Variants in NFATC4 observed in about 807,000 individuals in gnomAD.
NFATC4 encodes nuclear factor of activated T cells 4, also known as nuclear factor of activated T-cells, cytoplasmic 4.
A neutral mutation model predicts 73.4 loss-of-function variants in NFATC4; 25 were observed. That is an observed-to-expected ratio of 0.34 (90% CI 0.25 to 0.48). The LOEUF is 0.48. NFATC4 is among the 20% of genes least tolerant of loss of function. The pLI, the probability that NFATC4 is intolerant of heterozygous loss-of-function variation, is 0.99. For synonymous variants in NFATC4, 523 were observed against 510.3 expected (o/e 1.02, Z -0.34); for missense variants, 1,130 against 1,203.7 (o/e 0.94, Z 0.91).
chr14:24,372,200 A>G lies in NFATC4; in HGVS notation c.1197-241A>G, dbSNP rs557799867. On this transcript the variant is annotated intron_variant, in intron 2 of 9. Coordinates refer to ENST00000250373, the MANE Select transcript of NFATC4 (RefSeq NM_004554.5). ...GCTTGTTGTCATCTTTCACACCTCA[A>G]GGGGCTCTGTCCCCTACTTCCCCTT... The G allele has an allele frequency of 7.4e-4, 372 of 500,068 alleles. 9 individuals are homozygous for G. The South Asian group carries it at 9.3e-3, about 12-fold the overall frequency. The allele number at this position is 500,068 out of a possible 1,614,324, so 31.0% of individuals were successfully genotyped here. A position where few individuals can be genotyped will look rare whatever the true frequency, so the allele number is the denominator to read the frequency against.
chr14:24,376,419 G>A lies in NFATC4; in HGVS notation c.2182G>A (p.Glu728Lys). The A allele has an allele frequency of 6.2e-7, 1 of 1,613,686 alleles. No homozygotes were observed. Among genetic ancestry groups the A allele is most frequent in the South Asian group, 1.1e-5 (1 of 91,052 alleles). The change falls in exon 9 of 10, where the codon GAA (glutamate) becomes AAA (lysine). Residue 728 changes from glutamate to lysine, a missense_variant. Glu to Lys is a moderately conservative substitution (Grantham distance 56, BLOSUM62 1). Transcript: ENST00000250373. This position sits in a 1 kb window ranked among gnomAD's most constrained non-coding sequence, Gnocchi z 5.0. ...GCCCCCCTACCCCTCCTATCCCCAT[G>A]AAGACCCTGCTTGCGAAACTCCTTA... Reference protein sequence around the residue: ...PRPPYPSYPHEDPACETPYLS... With the variant: ...PRPPYPSYPHKDPACETPYLS...
rs1170513752 is a variant in NFATC4 at position 24,374,384 on chromosome 14, T to TG, written c.1792dup (p.Val598GlyfsTer24). 6.2e-7 allele frequency: 1 copy of TG among 1,613,908 alleles called. No homozygotes were observed. The highest frequency in any genetic ancestry group is 8.5e-7 in the Non-Finnish European group (1 of 1,179,986). ...AGGCCTACAGCCCCAGTGCCTGCTCTGTGAGAGGAGGCGAGGAACTGGTAC... is the reference window on the plus strand; with the variant it reads ...AGGCCTACAGCCCCAGTGCCTGCTCTGGTGAGAGGAGGCGAGGAACTGGTAC... On this transcript the variant is annotated frameshift_variant, in exon 6 of 10. Transcript: ENST00000250373. LOFTEE classifies it high-confidence loss of function.
chr14:24,367,991 A>T, upstream of NFATC4: 1 of 958,294 alleles, frequency 1.0e-6, no homozygotes, highest in Non-Finnish European at 1.2e-6. Context: ...TTTCCAATTC[A>T]GTTTTTTTTT....
In NFATC4 at chr14:24,369,521, G is replaced by C. The variant is rs781509216; in HGVS notation, c.123G>C (p.Pro41=). 6.2e-7 allele frequency: 1 copy of C among 1,609,940 alleles called. No homozygotes were observed. Reference sequence around the variant, plus strand: ...CAGAACTGGACTCAGAGGATGCCCCGCCATGCTGCCGTCTGGCCTTGGGAG... The same window carrying C: ...CAGAACTGGACTCAGAGGATGCCCCCCCATGCTGCCGTCTGGCCTTGGGAG... ...LGEELDSEDA[P]PCCRLALGEP... The change falls in exon 2 of 10, where the codon CCG becomes CCC. Residue 41 remains proline (P), a synonymous_variant. Transcript: ENST00000250373.
At chr14:24,372,830 T>A in intron 3 of NFATC4, 1 of 623,814 alleles carries the variant, frequency 1.6e-6, no homozygotes, top group East Asian at 2.8e-5. Context: ...ACCAGCCTCA[T>A]GTCTACTCTG....
intron 2 of NFATC4, 50 bp downstream of exon 2, chr14:24,370,644 G>T (rs2139286588): frequency 6.4e-7 from 1 of 1,557,026 alleles, no homozygotes; most frequent in South Asian, 1.2e-5. Context: ...TCCAGTAGGG[G>T]AGCAGGAGGG....
chr14:24,368,141 A>G (rs1192638311), upstream of NFATC4: 2 of 1,146,924 alleles, frequency 1.7e-6, no homozygotes, highest in African/African-American at 3.6e-5. Context: ...TGGGGGGGGG[A>G]CCGCTTTGAA....
At position 24,373,599 on chromosome 14, in the gene NFATC4, A is replaced by G; in HGVS notation, c.1560-96A>G. ...CCTAGGCACTCATCGAAAGTCATTC[A>G]AGGCTTTGGATGGAGGGCGGGAACT... On this transcript the variant is annotated intron_variant, in intron 4 of 9. Coordinates refer to ENST00000250373, the MANE Select transcript of NFATC4 (RefSeq NM_004554.5). The surrounding 1 kb of genome is among the most constrained non-coding windows in gnomAD (Gnocchi z 4.7). 2.6e-6 allele frequency: 4 copies of G among 1,524,298 alleles called. No homozygotes were observed. Among genetic ancestry groups the G allele is most frequent in the Non-Finnish European group, 3.5e-6 (4 of 1,130,432 alleles). 94.4% of individuals were successfully genotyped at this position (1,524,298 alleles called of 1,614,324 possible).
At chr14:24,371,552 A>T (rs1476754072) in intron 2 of NFATC4, among the ~76,000 whole-genome samples, 1 of 152,156 alleles carries the variant, frequency 6.6e-6, no homozygotes, top group Non-Finnish European at 1.5e-5. Flanking sequence ...AATACAGGAT[A>T]AGTTGTCCCA....
intron 5 of NFATC4, 165 bp downstream of exon 5, chr14:24,374,032 ACT>A: frequency 9.1e-7 from 1 of 1,097,242 alleles, no homozygotes; most frequent in East Asian, 2.6e-5. Context: ...CCTGCCACAG[ACT>A]CTGTCTCTGG....
chr14:24,369,937 G>A lies in NFATC4; in HGVS notation c.539G>A (p.Ser180Asn). The A allele has an allele frequency of 1.2e-6, 2 of 1,612,990 alleles. No homozygotes were observed. The highest frequency in any genetic ancestry group is 1.7e-6 in the Non-Finnish European group (2 of 1,179,972). ...GGCAGCAGCAGCCTGTCCTCGTGGA[G>A]CTTCTTCTCCGATGCCTCTGACGAG... ...SPGSSSLSSW[S>N]FFSDASDEAA... The change falls in exon 2 of 10, where the codon AGC becomes AAC. Residue 180 changes from serine to asparagine, a missense_variant. Around this residue, in one of 3 missense-constraint regions of NFATC4, gnomAD observed 585 missense variants for 574.3 expected, o/e 1.02. Coordinates refer to ENST00000250373, the MANE Select transcript of NFATC4 (RefSeq NM_004554.5).
chr14:24,376,893 G>C lies in NFATC4; in HGVS notation c.2641+15G>C. The C allele has an allele frequency of 6.5e-7, 1 of 1,538,416 alleles. No individual in the cohort carries two copies. The highest frequency in any genetic ancestry group is 8.7e-7 in the Non-Finnish European group (1 of 1,144,968). ...GCTGGAGGAAGGTGGGTGTGGGACTGGGGGCTGTGAGTGTGAGTGTGTGCA... is the reference window on the plus strand; with the variant it reads ...GCTGGAGGAAGGTGGGTGTGGGACTCGGGGCTGTGAGTGTGAGTGTGTGCA... On this transcript the variant is annotated intron_variant, in intron 9 of 9. Coordinates refer to ENST00000250373, the MANE Select transcript of NFATC4 (RefSeq NM_004554.5). This position sits in a 1 kb window ranked among gnomAD's most constrained non-coding sequence, Gnocchi z 5.0.
rs1306918023 is a variant in NFATC4, at chr14:24,372,560, G to T, written c.1316G>T (p.Arg439Leu). The part of the protein sequence containing the change: ...HRAHYETEGS[R>L]GAVKAAPGGH... ...GCCCACTATGAGACAGAAGGCAGCC[G>T]TGGAGCTGTCAAAGCTGCCCCTGGC... is the stretch of plus-strand genomic sequence containing the variant. The change falls in exon 3 of 10, where the codon CGT becomes CTT. Residue 439 changes from arginine (R) to leucine (L), a missense_variant. By Grantham distance (102) the Arg-to-Leu change is moderately radical. Transcript: ENST00000250373. The T allele has an allele frequency of 6.2e-7, 1 of 1,614,090 alleles. No homozygotes were observed. Among genetic ancestry groups the T allele is most frequent in the Non-Finnish European group, 8.5e-7 (1 of 1,180,052 alleles).
In NFATC4 at chr14:24,370,021, G is replaced by A. The variant is rs148765202; in HGVS notation, c.623G>A (p.Arg208His). The A allele has an allele frequency of 8.7e-6, 14 of 1,611,784 alleles. No individual in the cohort carries two copies. The highest frequency in any genetic ancestry group is 3.3e-5 in the Admixed American group (2 of 60,006). Residue 208 changes from arginine to histidine, a missense_variant, in exon 2 of 10, where the codon CGC (arginine) becomes CAC (histidine). Around this residue, in one of 3 missense-constraint regions of NFATC4, gnomAD observed 585 missense variants for 574.3 expected, o/e 1.02. Coordinates refer to ENST00000250373, the MANE Select transcript of NFATC4 (RefSeq NM_004554.5). ...VESELNEAASRFGLGSPLPSP... is the reference protein window; with the variant it reads ...VESELNEAASHFGLGSPLPSP... ...TCTGAGCTAAATGAGGCGGCCTCCC[G>A]CTTTGGCCTGGGCTCCCCGCTGCCC...
rs2042361041 is a variant in NFATC4, at chr14:24,368,279, C to A, written c.-62C>A. ...GGAGGGAGCCACCCGGGTGAAGATA[C>A]AGCAGCCTCCTGAACTCCCCCCTCC... is the stretch of plus-strand genomic sequence containing the variant. On this transcript the variant is annotated 5_prime_UTR_variant, in exon 1 of 10. Coordinates refer to ENST00000250373, the MANE Select transcript of NFATC4 (RefSeq NM_004554.5). The A allele has an allele frequency of 7.3e-7, 1 of 1,370,690 alleles. No homozygotes were observed. The highest frequency in any genetic ancestry group is 9.4e-7 in the Non-Finnish European group (1 of 1,062,246). 84.9% of individuals were successfully genotyped at this position (1,370,690 alleles called of 1,614,324 possible).
chr14:24,379,291 T>G lies in NFATC4; in HGVS notation c.*1586T>G, dbSNP rs1566475385. 1 of 152,382 alleles carries G rather than the reference T, an allele frequency of 6.6e-6. No homozygotes were observed. The highest frequency in any genetic ancestry group is 1.5e-5 in the Non-Finnish European group (1 of 68,202). 9.4% of individuals were successfully genotyped at this position (152,382 alleles called of 1,614,324 possible). A position where few individuals can be genotyped will look rare whatever the true frequency, so the allele number is the denominator to read the frequency against. On this transcript the variant is annotated 3_prime_UTR_variant, in exon 10 of 10. Coordinates refer to ENST00000250373, the MANE Select transcript of NFATC4 (RefSeq NM_004554.5). The stretch of plus-strand genomic sequence containing the variant: ...CTTGGTTGCTTTTCAAAGATCCCCT[T>G]CAGCCCCCTGCCAGAGTCACTGCCC...
intron 2 of NFATC4, among the ~76,000 whole-genome samples, chr14:24,370,845 C>G (rs1425576498): frequency 6.6e-6 from 1 of 152,180 alleles, no homozygotes; most frequent in Admixed American, 6.5e-5. Context: ...CCCTCCCACC[C>G]CTAGCTATTG....
At chr14:24,372,716 G>A in intron 3 of NFATC4, 113 bp downstream of exon 3, 1 of 1,375,712 alleles carries the variant, frequency 7.3e-7, no homozygotes. Flanking sequence ...TGACCCTGCA[G>A]GCAGCCTGGG....
At chr14:24,374,151 C>A in intron 5 of NFATC4, 175 bp from the exon 6 acceptor site, 1 of 939,420 alleles carries the variant, frequency 1.1e-6, no homozygotes, top group Non-Finnish European at 1.7e-6. Context: ...GCTCTGGGAG[C>A]GGCCCCTTAC....
Sources: gnomAD v4.1 joint callset for allele counts (sites outside exome capture counted in the v4.1 genomes callset) on GRCh38, gnomAD v4.1.1 for gene constraint, gnomAD v4.1.1 regional missense constraint, Gnocchi (gnomAD v3.1) non-coding constraint, MANE v1.5 for transcripts, NCBI Gene and HGNC (gene_info 2026-07-23, HGNC 2026-07-21) for gene names.